Variants in GSG1L observed in about 807,000 individuals in gnomAD.
GSG1L encodes the protein GSG1 like.
In GSG1L, 24 loss-of-function variants were observed where a neutral mutation model predicts 42.1. The observed-to-expected ratio is 0.57, with a 90% confidence interval of 0.41 to 0.80. GSG1L has a LOEUF of 0.80. Ranked by LOEUF, GSG1L falls within the 30% of genes least tolerant of loss-of-function variation. The pLI is 0.00. For synonymous variants in GSG1L, 215 were observed against 203.5 expected, an observed-to-expected ratio of 1.06 and a Z score of -0.48; for missense variants, 445 against 472.2, an observed-to-expected ratio of 0.94 and a Z score of 0.53.
At chr16:27,895,065 T>C (rs1204233954) in intron 2 of GSG1L, among the ~76,000 whole-genome samples, 1 of 152,170 alleles carries the variant, frequency 6.6e-6, no homozygotes, top group Non-Finnish European at 1.5e-5. Context: ...TGAGCCTCAG[T>C]TTCCCTCTCC....
At chr16:28,018,567 G>T (rs1480818599) in intron 1 of GSG1L, among the ~76,000 whole-genome samples, 2 of 152,140 alleles carry the variant, frequency 1.3e-5, no homozygotes, top group Non-Finnish European at 2.9e-5. Context: ...CCACTGCTTA[G>T]CTTCAAGGGA....
At chr16:27,874,502 C>CAGT (rs1288453680) in intron 3 of GSG1L, among the ~76,000 whole-genome samples, 1 of 123,896 alleles carries the variant, frequency 8.1e-6, no homozygotes, top group African/African-American at 3.0e-5. Context: ...GGCTGGAGTG[C>CAGT]AGTGGTGCAA....
At chr16:27,987,904 GC>G (rs1567546094) in intron 1 of GSG1L, among the ~76,000 whole-genome samples, 2 of 129,030 alleles carry the variant, frequency 1.6e-5, no homozygotes, top group African/African-American at 5.9e-5. Context: ...CCGAAATCGT[GC>G]CACTGCACTC....
intron 2 of GSG1L, among the ~76,000 whole-genome samples, chr16:27,895,481 C>A (rs1260118105): frequency 1.3e-5 from 2 of 152,196 alleles, no homozygotes; most frequent in Non-Finnish European, 2.9e-5. Context: ...CCTGTATGGA[C>A]CCCTGATATC....
intron 3 of GSG1L, among the ~76,000 whole-genome samples, chr16:27,860,821 C>T (rs2083639906): frequency 6.6e-6 from 1 of 152,324 alleles, no homozygotes; most frequent in South Asian, 2.1e-4. Context: ...ACATCACAGT[C>T]ATGGAGGACC....
At chr16:27,902,427 C>T (rs759163725) in intron 2 of GSG1L, among the ~76,000 whole-genome samples, 3 of 151,970 alleles carry the variant, frequency 2.0e-5, no homozygotes, top group Non-Finnish European at 2.9e-5. Flanking sequence ...AAGCTGATTC[C>T]GCAGAGAGGC....
rs1479678803 is a variant in GSG1L, at chr16:27,788,439, G to A, written c.*2931C>T. Reference sequence around the variant, plus strand: ...CACTGCCCACTCCCCATTGCCCCAGGGTAAACTCTAAGCTCCCTAAGAAGG... The same window carrying A: ...CACTGCCCACTCCCCATTGCCCCAGAGTAAACTCTAAGCTCCCTAAGAAGG... On this transcript the variant is annotated 3_prime_UTR_variant, in exon 7 of 7. Coordinates refer to ENST00000447459, the MANE Select transcript of GSG1L (RefSeq NM_001109763.2). 1 of 152,114 alleles carries A rather than the reference G, an allele frequency of 6.6e-6. No individual in the cohort carries two copies. Among genetic ancestry groups the A allele is most frequent in the Non-Finnish European group, 1.5e-5 (1 of 68,088 alleles). The allele number at this position is 152,114 out of a possible 1,614,324, so 9.4% of individuals were successfully genotyped here.
intron 1 of GSG1L, among the ~76,000 whole-genome samples, chr16:28,035,326 A>G (rs757139858): frequency 7.2e-5 from 11 of 152,166 alleles, no homozygotes; most frequent in Non-Finnish European, 1.5e-4. Context: ...TGTATTTTTT[A>G]AAGTATTTGT....
At chr16:27,977,742 C>G (rs1187049067) in intron 1 of GSG1L, among the ~76,000 whole-genome samples, 1 of 152,018 alleles carries the variant, frequency 6.6e-6, no homozygotes, top group Non-Finnish European at 1.5e-5. Flanking sequence ...AGCTTCAATA[C>G]CTGTCAACTC....
Position 27,957,974 on chromosome 16 carries a change from G to A in GSG1L, c.397+5182C>T, listed in dbSNP as rs531774036. 2.3e-4 allele frequency among the ~76,000 whole-genome samples: 35 copies of A among 152,234 alleles called. 1 individual carries two copies. Among genetic ancestry groups the A allele is most frequent in the African/African-American group, 8.4e-4 (35 of 41,536 alleles). ...GTGAACTAATACGGTGAGAATTCACGCATTACCAAGGGGACGGCACCAAGT... is the reference window on the plus strand; with the variant it reads ...GTGAACTAATACGGTGAGAATTCACACATTACCAAGGGGACGGCACCAAGT... On this transcript the variant is annotated intron_variant, in intron 2 of 6. Coordinates refer to ENST00000447459, the MANE Select transcript of GSG1L (RefSeq NM_001109763.2).
At chr16:27,983,281 G>C (rs1464436594) in intron 1 of GSG1L, among the ~76,000 whole-genome samples, 1 of 152,138 alleles carries the variant, frequency 6.6e-6, no homozygotes, top group Non-Finnish European at 1.5e-5. Context: ...GCTGCAGTGA[G>C]CCCGGATCAT....
At chr16:27,979,585 AGAAG>A (rs554845626) in intron 1 of GSG1L, among the ~76,000 whole-genome samples, 3 of 143,516 alleles carry the variant, frequency 2.1e-5, no homozygotes, top group Non-Finnish European at 3.0e-5. Flanking sequence ...AAAAAAAGAA[AGAAG>A]GAAGGAAGGA....
At chr16:27,868,804 G>A (rs6498041) in intron 3 of GSG1L, among the ~76,000 whole-genome samples, 24,069 of 152,008 alleles carry the variant, frequency 0.16, 2,314 homozygotes, top group East Asian at 0.28. Flanking sequence ...TGGTGCCATC[G>A]TCTGCCCGTC....
intron 3 of GSG1L, among the ~76,000 whole-genome samples, chr16:27,866,268 C>T (rs1394639231): frequency 6.6e-6 from 1 of 152,216 alleles, no homozygotes; most frequent in Admixed American, 6.5e-5. Flanking sequence ...CAAATCATTA[C>T]ATACTTAAAT....
At chr16:27,942,439 C>T (rs947207639) in intron 2 of GSG1L, among the ~76,000 whole-genome samples, 8 of 108,222 alleles carry the variant, frequency 7.4e-5, no homozygotes, top group Admixed American at 1.9e-4. Context: ...CGTGAGCCAC[C>T]GCACCTGGCC....
intron 2 of GSG1L, among the ~76,000 whole-genome samples, chr16:27,886,245 G>A (rs959091970): frequency 4.6e-5 from 7 of 152,178 alleles, no homozygotes; most frequent in African/African-American, 1.2e-4. Context: ...TTCGAGACCA[G>A]CCTGGCCAAC....
chr16:28,027,942 G>T (rs1470281393), intron 1 of GSG1L, among the ~76,000 whole-genome samples: 1 of 152,200 alleles, frequency 6.6e-6, no homozygotes, highest in East Asian at 1.9e-4. Flanking sequence ...GGTCAAGGCT[G>T]CAGTGAGCTG....
chr16:27,963,512 C>T (rs2085094448), intron 1 of GSG1L, among the ~76,000 whole-genome samples: 1 of 152,174 alleles, frequency 6.6e-6, no homozygotes, highest in South Asian at 2.1e-4. Flanking sequence ...CCCAGGCCTC[C>T]ACTCTGGCCC....
intron 2 of GSG1L, among the ~76,000 whole-genome samples, chr16:27,936,308 T>C (rs999996350): frequency 8.5e-5 from 13 of 152,166 alleles, no homozygotes; most frequent in African/African-American, 2.7e-4. Context: ...CTGTTAGAGA[T>C]GGAGCCTAAT....
Sources: gnomAD v4.1 joint callset for allele counts (sites outside exome capture counted in the v4.1 genomes callset) on GRCh38, gnomAD v4.1.1 for gene constraint, MANE v1.5 for transcripts, NCBI Gene and HGNC (gene_info 2026-07-23, HGNC 2026-07-21) for gene names.